MORC1: variants seen among roughly 807,000 people sequenced by gnomAD.
MORC1 encodes MORC family CW-type zinc finger protein 1.
In MORC1, 59 loss-of-function variants were observed where a neutral mutation model predicts 134.9. That is an observed-to-expected ratio of 0.44 (90% CI 0.35 to 0.54). The LOEUF is 0.54. Among genes scored for constraint, MORC1 ranks in the 20% least tolerant of loss-of-function variants. The pLI is 0.00. For missense variants in MORC1, 947 were observed against 1,134.5 expected, an observed-to-expected ratio of 0.83 and a Z score of 2.37; for synonymous variants, 395 against 391.7, an observed-to-expected ratio of 1.01 and a Z score of -0.10.
intron 8 of MORC1, among the ~76,000 whole-genome samples, chr3:109,088,952 C>T (rs891599730): frequency 4.6e-5 from 7 of 151,976 alleles, no homozygotes; most frequent in Non-Finnish European, 1.0e-4. Flanking sequence ...TTTTAGCAAA[C>T]TAACACAGGA....
chr3:109,008,111 A>G (rs530524763), intron 17 of MORC1, among the ~76,000 whole-genome samples: 1 of 152,204 alleles, frequency 6.6e-6, no homozygotes, highest in Admixed American at 6.5e-5. Flanking sequence ...AGAGCTTCTT[A>G]TTCTTTTACA....
At chr3:109,100,313 T>C (rs958440016) in intron 5 of MORC1, 104 bp downstream of exon 5, 3 of 927,686 alleles carry the variant, frequency 3.2e-6, no homozygotes, top group East Asian at 5.1e-5. Flanking sequence ...CAAGTTTATA[T>C]ATTTTTTAAA....
Position 109,118,065 on chromosome 3 carries a change from C to A in MORC1, c.-6G>T. The A allele has an allele frequency of 1.2e-6, 2 of 1,606,848 alleles. No individual in the cohort carries two copies. The highest frequency in any genetic ancestry group is 1.7e-6 in the Non-Finnish European group (2 of 1,176,912). On this transcript the variant is annotated 5_prime_UTR_variant, in exon 1 of 28. Coordinates refer to ENST00000232603, the MANE Select transcript of MORC1 (RefSeq NM_014429.4). ...GCAGGGTACCTGTCGTCCATGCCCTCGAACACGACCCGCGCAACTCAAGGG... is the reference window on the plus strand; with the variant it reads ...GCAGGGTACCTGTCGTCCATGCCCTAGAACACGACCCGCGCAACTCAAGGG...
Position 108,986,930 on chromosome 3 carries a change from G to A in MORC1, c.2207C>T (p.Thr736Ile), listed in dbSNP as rs780891149. Residue 736 changes from threonine (T) to isoleucine (I), a missense_variant, in exon 22 of 28, where the codon ACT becomes ATT. Thr to Ile is a moderately conservative substitution (Grantham distance 89). Coordinates refer to ENST00000232603, the MANE Select transcript of MORC1 (RefSeq NM_014429.4). ...TTTTTCTTGTTTCAATGAAACATCA[G>A]TGTTGCTTTTATCTGAAACCTGAAA... ...DIILVSDKSN[T>I]DVSLKQEKKE... 2 of 1,572,478 alleles carry A rather than the reference G, an allele frequency of 1.3e-6. No homozygotes were observed. Among genetic ancestry groups the A allele is most frequent in the African/African-American group, 2.8e-5 (2 of 72,562 alleles).
chr3:109,000,196 A>C (rs1559882883), intron 21 of MORC1, among the ~76,000 whole-genome samples: 1 of 152,184 alleles, frequency 6.6e-6, no homozygotes, highest in Non-Finnish European at 1.5e-5. Flanking sequence ...CCAAATTACA[A>C]ATTACAGAAA....
chr3:109,117,669 G>C (rs1366562816), intron 1 of MORC1, among the ~76,000 whole-genome samples: 1 of 152,170 alleles, frequency 6.6e-6, no homozygotes, highest in Non-Finnish European at 1.5e-5. Context: ...TGTTTAAATT[G>C]TCAGTGTGTT....
intron 1 of MORC1, among the ~76,000 whole-genome samples, chr3:109,115,812 T>C (rs1576762136): frequency 6.6e-6 from 1 of 152,152 alleles, no homozygotes; most frequent in Admixed American, 6.5e-5. Context: ...AACACACAAG[T>C]AAACAAACTT....
At chr3:109,002,495 C>T (rs1297428517) in intron 20 of MORC1, among the ~76,000 whole-genome samples, 5 of 152,128 alleles carry the variant, frequency 3.3e-5, no homozygotes, top group South Asian at 2.1e-4. Context: ...ATGTGACACA[C>T]GCATTTAAGC....
At chr3:109,117,938 T>C (rs984074906) in intron 1 of MORC1, 57 bp downstream of exon 1, 44 of 1,442,200 alleles carry the variant, frequency 3.1e-5, no homozygotes, top group African/African-American at 4.2e-5. Context: ...GGGCAAAACC[T>C]TTCTTCATGG....
chr3:109,022,329 C>T (rs1046411565), intron 17 of MORC1, among the ~76,000 whole-genome samples: 1 of 152,224 alleles, frequency 6.6e-6, no homozygotes, highest in Non-Finnish European at 1.5e-5. Flanking sequence ...TCACATTCTT[C>T]ATACAAAGCT....
intron 27 of MORC1, among the ~76,000 whole-genome samples, chr3:108,960,675 G>A (rs1947056362): frequency 6.6e-6 from 1 of 152,062 alleles, no homozygotes; most frequent in African/African-American, 2.4e-5. Context: ...TCATCAGACA[G>A]TCCTCTTCCA....
At chr3:109,013,950 T>G (rs1948757458) in intron 17 of MORC1, among the ~76,000 whole-genome samples, 1 of 152,176 alleles carries the variant, frequency 6.6e-6, no homozygotes, top group African/African-American at 2.4e-5. Context: ...AAGAAGGCCC[T>G]GACAAGATAC....
intron 8 of MORC1, among the ~76,000 whole-genome samples, chr3:109,079,868 T>C (rs992316196): frequency 1.3e-5 from 2 of 152,056 alleles, no homozygotes; most frequent in African/African-American, 4.8e-5. Context: ...CTTATATGAA[T>C]ACCAAGAAGA....
Position 109,069,627 on chromosome 3 carries a change from G to A in MORC1, c.815+5C>T, listed in dbSNP as rs1164851164. On this transcript the variant is annotated splice_donor_5th_base_variant and intron_variant, in intron 9 of 27. Transcript: ENST00000232603. The stretch of plus-strand genomic sequence containing the variant: ...TGTGAAGATAACTGAAGAAAGATGA[G>A]TTACCTGGGTCTGTAGAGGCAATAG... 1 of 1,565,332 alleles carries A rather than the reference G, an allele frequency of 6.4e-7. No homozygotes were observed. The highest frequency in any genetic ancestry group is 8.7e-7 in the Non-Finnish European group (1 of 1,151,694).
At chr3:109,026,125 C>A (rs1949067932) in intron 17 of MORC1, among the ~76,000 whole-genome samples, 1 of 152,086 alleles carries the variant, frequency 6.6e-6, no homozygotes, top group African/African-American at 2.4e-5. Context: ...TTGGTTACCA[C>A]AAAAGCAGGG....
chr3:109,020,987 G>A (rs1340317858), intron 17 of MORC1, among the ~76,000 whole-genome samples: 1 of 152,138 alleles, frequency 6.6e-6, no homozygotes, highest in African/African-American at 2.4e-5. Context: ...AAGTAAGAAG[G>A]AAATTGGGTC....
chr3:108,964,684 C>T lies in MORC1; in HGVS notation c.2605-1076G>A, dbSNP rs3804726. Among the ~76,000 whole-genome samples the T allele has an allele frequency of 3.8e-3, 573 of 152,256 alleles. 12 individuals carry two copies. In the East Asian group the frequency reaches 0.04, roughly 11 times the overall value. ...AAGCACTGCATTTAATTATAGATGA[C>T]GTGGAGATATATAGGGTACAGTCTT... On this transcript the variant is annotated intron_variant, in intron 26 of 27. Coordinates refer to ENST00000232603, the MANE Select transcript of MORC1 (RefSeq NM_014429.4).
chr3:108,960,055 A>G (rs1947040384), intron 27 of MORC1, among the ~76,000 whole-genome samples: 1 of 151,730 alleles, frequency 6.6e-6, no homozygotes, highest in Non-Finnish European at 1.5e-5. Flanking sequence ...TTTTAAAAAG[A>G]GAGAAATCAG....
At chr3:109,065,860 T>C (rs891007444) in intron 9 of MORC1, among the ~76,000 whole-genome samples, 1 of 152,232 alleles carries the variant, frequency 6.6e-6, no homozygotes, top group Non-Finnish European at 1.5e-5. Context: ...AATAATGTTC[T>C]TTGCAGTGAC....
Sources: gnomAD v4.1 joint callset for allele counts (sites outside exome capture counted in the v4.1 genomes callset) on GRCh38, gnomAD v4.1.1 for gene constraint, MANE v1.5 for transcripts, NCBI Gene and HGNC (gene_info 2026-07-23, HGNC 2026-07-21) for gene names.